The following CDK19 variants were observed in gnomAD, a reference collection of about 807,000 sequenced individuals.
CDK19 encodes the protein cyclin-dependent kinase 19.
CDK19 carries 20 observed loss-of-function variants against 68.3 expected under a neutral mutation model. That is an observed-to-expected ratio of 0.29 (90% CI 0.21 to 0.43). CDK19 has a LOEUF of 0.43. Among genes scored for constraint, CDK19 ranks in the 20% least tolerant of loss-of-function variants. The pLI is 1.00. For missense variants in CDK19, 339 were observed against 623.5 expected, an observed-to-expected ratio of 0.54 and a Z score of 4.86; for synonymous variants, 221 against 222.8, an observed-to-expected ratio of 0.99 and a Z score of 0.07.
chr6:110,798,026 T>C (rs1441609512), intron 1 of CDK19, among the ~76,000 whole-genome samples: 2 of 147,232 alleles, frequency 1.4e-5, no homozygotes, highest in East Asian at 2.0e-4. Flanking sequence ...GAAAGAAATA[T>C]ATATGGTTTG....
At chr6:110,780,995 T>G (rs928134270) in intron 1 of CDK19, among the ~76,000 whole-genome samples, 2 of 152,222 alleles carry the variant, frequency 1.3e-5, no homozygotes, top group Non-Finnish European at 2.9e-5. Flanking sequence ...GCCTACTACA[T>G]AGCATTATGT....
chr6:110,703,077 T>C (rs1054113347), intron 2 of CDK19, among the ~76,000 whole-genome samples: 1 of 152,212 alleles, frequency 6.6e-6, no homozygotes, highest in Non-Finnish European at 1.5e-5. Flanking sequence ...TAAGGTATTG[T>C]TTTTCAAACT....
chr6:110,765,033 G>C (rs1779480482), intron 1 of CDK19, among the ~76,000 whole-genome samples: 1 of 150,968 alleles, frequency 6.6e-6, no homozygotes, highest in East Asian at 1.9e-4. Context: ...TGGGTTTACA[G>C]TACTAAAACA....
intron 2 of CDK19, among the ~76,000 whole-genome samples, chr6:110,689,884 C>T (rs982883675): frequency 6.6e-6 from 1 of 152,138 alleles, no homozygotes; most frequent in Non-Finnish European, 1.5e-5. Context: ...CTCAGGGACT[C>T]CTACTCCTAG....
intron 2 of CDK19, among the ~76,000 whole-genome samples, chr6:110,690,446 C>T (rs1772887516): frequency 6.6e-6 from 1 of 151,920 alleles, no homozygotes; most frequent in African/African-American, 2.4e-5. Context: ...CCACTGAAAG[C>T]TTCCCCAGCC....
intron 12 of CDK19, among the ~76,000 whole-genome samples, chr6:110,619,338 C>G (rs999629463): frequency 3.3e-5 from 5 of 152,154 alleles, no homozygotes; most frequent in African/African-American, 7.2e-5. Flanking sequence ...TTGACAAAAA[C>G]TGCAGTCAGG....
At chr6:110,699,004 T>C (rs1293365083) in intron 2 of CDK19, among the ~76,000 whole-genome samples, 2 of 147,302 alleles carry the variant, frequency 1.4e-5, no homozygotes, top group East Asian at 2.0e-4. Flanking sequence ...CAGTGAGCCA[T>C]GTTCATGCCA....
chr6:110,698,095 T>C (rs145190313), intron 2 of CDK19, among the ~76,000 whole-genome samples: 2 of 152,144 alleles, frequency 1.3e-5, no homozygotes, highest in South Asian at 2.1e-4. Flanking sequence ...CTTCTGGACA[T>C]TGGAATAGGC....
chr6:110,783,594 C>T (rs903129932), intron 1 of CDK19, among the ~76,000 whole-genome samples: 2 of 150,058 alleles, frequency 1.3e-5, no homozygotes, highest in African/African-American at 4.9e-5. Context: ...GCCGAGATCA[C>T]ACCATTGCTC....
chr6:110,659,813 A>T (rs971265314), intron 4 of CDK19, among the ~76,000 whole-genome samples: 3 of 152,240 alleles, frequency 2.0e-5, no homozygotes, highest in Non-Finnish European at 4.4e-5. Flanking sequence ...AAAAGGGAAG[A>T]GATAACTAGT....
At chr6:110,799,604 A>T (rs1021438692) in intron 1 of CDK19, among the ~76,000 whole-genome samples, 15 of 148,898 alleles carry the variant, frequency 1.0e-4, no homozygotes, top group African/African-American at 3.7e-4. Flanking sequence ...GTTTTTTCTA[A>T]TTTTTTTTTT....
chr6:110,766,001 A>C (rs1331074009), intron 1 of CDK19, among the ~76,000 whole-genome samples: 1 of 152,126 alleles, frequency 6.6e-6, no homozygotes, highest in Non-Finnish European at 1.5e-5. Context: ...TGTTGGTGAG[A>C]ATGTAAATTA....
chr6:110,644,391 G>A (rs1292494358), intron 4 of CDK19, among the ~76,000 whole-genome samples: 1 of 152,040 alleles, frequency 6.6e-6, no homozygotes. Flanking sequence ...GAGAGAGGAG[G>A]AAGTGGGGCT....
intron 2 of CDK19, among the ~76,000 whole-genome samples, chr6:110,688,441 A>G (rs1772693475): frequency 6.6e-6 from 1 of 152,116 alleles, no homozygotes; most frequent in Non-Finnish European, 1.5e-5. Context: ...AATAGTGTGT[A>G]GAGACTCACT....
At chr6:110,643,070 C>A in intron 4 of CDK19, 1 of 520,434 alleles carries the variant, frequency 1.9e-6, no homozygotes, top group Non-Finnish European at 2.9e-6. Context: ...CTTGGGCCAC[C>A]AGCAAGGTAA....
chr6:110,684,969 T>C (rs976318544), intron 2 of CDK19, among the ~76,000 whole-genome samples: 4 of 151,930 alleles, frequency 2.6e-5, no homozygotes, highest in Admixed American at 2.6e-4. Flanking sequence ...CGAAACCCCA[T>C]CTCTACTAAA....
chr6:110,800,441 C>T (rs116539542), intron 1 of CDK19, among the ~76,000 whole-genome samples: 2,044 of 152,228 alleles, frequency 0.013, 49 homozygotes, highest in African/African-American at 0.047. Flanking sequence ...GGATTCCTCC[C>T]TAATTTATTC....
chr6:110,617,230 C>T (rs1778370721), intron 12 of CDK19, among the ~76,000 whole-genome samples: 1 of 152,170 alleles, frequency 6.6e-6, no homozygotes, highest in South Asian at 2.1e-4. Flanking sequence ...CTCTAACTTC[C>T]CCCTACCTTT....
intron 4 of CDK19, among the ~76,000 whole-genome samples, chr6:110,662,488 T>C (rs1052213366): frequency 6.6e-6 from 1 of 152,184 alleles, no homozygotes; most frequent in African/African-American, 2.4e-5. Flanking sequence ...TATTATCATT[T>C]AGCTGGCATT....
Sources: gnomAD v4.1 joint callset for allele counts (sites outside exome capture counted in the v4.1 genomes callset) on GRCh38, gnomAD v4.1.1 for gene constraint, MANE v1.5 for transcripts, NCBI Gene and HGNC (gene_info 2026-07-23, HGNC 2026-07-21) for gene names.